The following SLC19A1 variants were observed in gnomAD, a reference collection of about 807,000 sequenced individuals.
SLC19A1 encodes the protein reduced folate transporter.
Under a neutral mutation model 35.3 loss-of-function variants are expected in SLC19A1, and 37 were observed. That is an observed-to-expected ratio of 1.05 (90% confidence interval 0.81 to 1.38). The LOEUF is 1.38. Among genes scored for constraint, SLC19A1 ranks in the 40% most tolerant of loss-of-function variants. SLC19A1 has a pLI of 0.00. For synonymous variants in SLC19A1, 460 were observed against 398.5 expected (o/e 1.15, Z -1.84); for missense variants, 831 against 826.9 (o/e 1.00, Z -0.06).
intron 1 of SLC19A1, among the ~76,000 whole-genome samples, chr21:45,562,358 C>T (rs1487729447): frequency 1.3e-5 from 2 of 152,154 alleles, no homozygotes; most frequent in African/African-American, 4.8e-5. Flanking sequence ...GACTACGGAA[C>T]ATTTGTGACT....
At chr21:45,545,300 C>T (rs1056851368), upstream of SLC19A1, among the ~76,000 whole-genome samples, 2 of 152,134 alleles carry the variant, frequency 1.3e-5, no homozygotes, top group Non-Finnish European at 2.9e-5. Context: ...GGCTTAGCAC[C>T]ATCACCTTGG....
At position 45,517,672 on chromosome 21, in the gene SLC19A1, G is replaced by A. The variant is rs962378897; in HGVS notation, c.1294-1532C>T. On this transcript the variant is annotated intron_variant, in intron 5 of 5. Coordinates refer to ENST00000311124, the MANE Select transcript of SLC19A1 (RefSeq NM_194255.4). This position sits in a 1 kb window ranked among gnomAD's most constrained non-coding sequence, Gnocchi z 4.4. ...TGCCTGTCCTGTCCCCCTCCATGCT[G>A]GGGGGTGTCAGAGGAGGTCAAGCGG... 1.3e-5 allele frequency among the ~76,000 whole-genome samples: 2 copies of A among 152,028 alleles called. No individual in the cohort carries two copies. Among genetic ancestry groups the A allele is most frequent in the African/African-American group, 4.8e-5 (2 of 41,308 alleles).
chr21:45,503,755 A>G (rs563224651), intron 3 of SLC19A1, among the ~76,000 whole-genome samples: 340 of 152,226 alleles, frequency 2.2e-3, no homozygotes, highest in South Asian at 0.01. Context: ...CCTGCACATC[A>G]TGCACATGTA....
downstream of SLC19A1, chr21:45,512,490 A>AGGGC: frequency 8.3e-7 from 1 of 1,206,840 alleles, no homozygotes; most frequent in Non-Finnish European, 1.2e-6. Context: ...CCCTGGCCCC[A>AGGGC]GGACCTGGCT....
At chr21:45,559,157 C>T (rs1443670010) in intron 1 of SLC19A1, among the ~76,000 whole-genome samples, 2 of 152,132 alleles carry the variant, frequency 1.3e-5, no homozygotes, top group East Asian at 1.9e-4. Flanking sequence ...TTGGGAATGT[C>T]AGTGGCAGAA....
intron 5 of SLC19A1, 149 bp from the exon 6 acceptor site, chr21:45,516,289 G>A (rs2037935413): frequency 1.6e-6 from 1 of 644,950 alleles, no homozygotes; most frequent in Non-Finnish European, 2.7e-6. Flanking sequence ...AGCCCCAGGA[G>A]CAGGTGCCAC....
chr21:45,507,087 A>AGAGGT, intron 3 of SLC19A1: 1 of 346,608 alleles, frequency 2.9e-6, no homozygotes, highest in South Asian at 2.5e-5. Flanking sequence ...CTGGGCAGGG[A>AGAGGT]GGGCAACCTG....
At chr21:45,507,689 A>G, downstream of SLC19A1, 2 of 1,190,358 alleles carry the variant, frequency 1.7e-6, no homozygotes. Flanking sequence ...GGTCCTTTGG[A>G]GTCCTGGAGC....
intron 1 of SLC19A1, among the ~76,000 whole-genome samples, chr21:45,559,986 C>G (rs2067576305): frequency 6.6e-6 from 1 of 152,202 alleles, no homozygotes; most frequent in Non-Finnish European, 1.5e-5. Context: ...AACAGACCAC[C>G]AGCAGGGGCC....
intron 2 of SLC19A1, chr21:45,536,095 C>A: frequency 4.1e-6 from 1 of 246,830 alleles, no homozygotes; most frequent in South Asian, 1.4e-4. Flanking sequence ...CGGGCCTCTC[C>A]TGCAGCCAGA....
intron 3 of SLC19A1, chr21:45,504,992 C>G: frequency 9.5e-7 from 1 of 1,055,304 alleles, no homozygotes; most frequent in Non-Finnish European, 1.4e-6. Flanking sequence ...GTTTCTCAGG[C>G]TATGGCGTGG....
intron 3 of SLC19A1, chr21:45,506,060 G>T: frequency 3.8e-6 from 6 of 1,588,186 alleles, no homozygotes; most frequent in Non-Finnish European, 4.3e-6. Context: ...CCCCGGACAG[G>T]GATGGGAGCA....
At chr21:45,503,424 G>T (rs2036972743) in intron 3 of SLC19A1, among the ~76,000 whole-genome samples, 1 of 151,860 alleles carries the variant, frequency 6.6e-6, no homozygotes, top group Non-Finnish European at 1.5e-5. Context: ...GGTTGTTTGT[G>T]GCACATATAC....
upstream of SLC19A1, among the ~76,000 whole-genome samples, chr21:45,548,343 C>T (rs1266634324): frequency 6.6e-6 from 1 of 152,248 alleles, no homozygotes; most frequent in African/African-American, 2.4e-5. Flanking sequence ...CAAAATGCCA[C>T]ACCTGGGAGG....
chr21:45,509,646 G>A (rs985730103), downstream of SLC19A1: 4 of 1,005,004 alleles, frequency 4.0e-6, no homozygotes, highest in South Asian at 1.4e-5. Flanking sequence ...TAGCCCCTCG[G>A]CTCTCGGCAG....
chr21:45,516,211 C>T (rs2037930418), intron 5 of SLC19A1, 71 bp from the exon 6 acceptor site: 2 of 1,248,802 alleles, frequency 1.6e-6, no homozygotes, highest in Admixed American at 4.2e-5. Context: ...CACCCCGACG[C>T]CTGCTCCCAG....
chr21:45,512,717 C>T lies in SLC19A1; in HGVS notation c.*2941G>A. On this transcript the variant is annotated 3_prime_UTR_variant, in exon 6 of 6. Coordinates refer to ENST00000311124, the MANE Select transcript of SLC19A1 (RefSeq NM_194255.4). Reference sequence around the variant, plus strand: ...TGATCAGACCACGGCTCGATTTCTCCAGGATTTCCTGCTTTGGGAAGCCGT... The same window carrying T: ...TGATCAGACCACGGCTCGATTTCTCTAGGATTTCCTGCTTTGGGAAGCCGT... The T allele has an allele frequency of 2.3e-6, 1 of 431,544 alleles. No homozygotes were observed. Among genetic ancestry groups the T allele is most frequent in the Non-Finnish European group, 4.3e-6 (1 of 233,050 alleles). 26.7% of individuals were successfully genotyped at this position (431,544 alleles called of 1,614,324 possible).
chr21:45,531,596 C>T lies in SLC19A1; in HGVS notation c.742G>A (p.Asp248Asn), dbSNP rs1445106099. The T allele has an allele frequency of 1.2e-6, 2 of 1,612,306 alleles. No homozygotes were observed. The highest frequency in any genetic ancestry group is 2.2e-5 in the East Asian group (1 of 44,866). Residue 248 changes from aspartate to asparagine, a missense_variant, in exon 3 of 6, where the codon GAC becomes AAC. Asp to Asn is a conservative substitution (Grantham distance 23). Coordinates refer to ENST00000311124, the MANE Select transcript of SLC19A1 (RefSeq NM_194255.4). ...CGCAGCATCCGCGCCAGCACTGAGT[C>T]CCCACAGGCCACCCGCAGGGCGTGT... The part of the protein sequence containing the change: ...LGHALRVACG[D>N]SVLARMLREL...
At chr21:45,524,564 A>C (rs1161375625) in intron 5 of SLC19A1, among the ~76,000 whole-genome samples, 51 of 10,826 alleles carry the variant, frequency 4.7e-3, no homozygotes, top group African/African-American at 7.4e-3. Context: ...GAGTGTTCAC[A>C]CCTGGGCCTC....
Sources: gnomAD v4.1 joint callset for allele counts (sites outside exome capture counted in the v4.1 genomes callset) on GRCh38, gnomAD v4.1.1 for gene constraint, Gnocchi (gnomAD v3.1) non-coding constraint, MANE v1.5 for transcripts, NCBI Gene and HGNC (gene_info 2026-07-23, HGNC 2026-07-21) for gene names.